RBPMS: variants seen among roughly 807,000 people sequenced by gnomAD.
RBPMS encodes the protein RNA-binding protein with multiple splicing.
Under a neutral mutation model 26.8 loss-of-function variants are expected in RBPMS, and 7 were observed. The observed-to-expected ratio is 0.26, with a 90% CI of 0.15 to 0.49. The LOEUF (loss-of-function observed/expected upper bound fraction) is 0.49, where lower values mean the gene tolerates loss of function less well. Among genes scored for constraint, RBPMS ranks in the 20% least tolerant of loss-of-function variants. RBPMS has a pLI of 0.98. For missense variants in RBPMS, 186 were observed against 250.0 expected, an observed-to-expected ratio of 0.74 and a Z score of 1.73; for synonymous variants, 96 against 93.3, an observed-to-expected ratio of 1.03 and a Z score of -0.17.
chr8:30,385,046 G>A lies in RBPMS; in HGVS notation c.-47G>A. On this transcript the variant is annotated 5_prime_UTR_variant, in exon 1 of 9. Transcript: ENST00000397323. ...CAGTGGGCTAGCGCGCCCTCGCCCAGCCCCGCGCCCCAGCCCTGCCCGGCC... is the reference window on the plus strand; with the variant it reads ...CAGTGGGCTAGCGCGCCCTCGCCCAACCCCGCGCCCCAGCCCTGCCCGGCC... The A allele has an allele frequency of 1.4e-6, 2 of 1,451,968 alleles. No individual in the cohort carries two copies. Among genetic ancestry groups the A allele is most frequent in the Non-Finnish European group, 1.8e-6 (2 of 1,090,646 alleles). 89.9% of individuals were successfully genotyped at this position (1,451,968 alleles called of 1,614,324 possible).
At chr8:30,479,810 AT>A (rs1158993716) in intron 4 of RBPMS, among the ~76,000 whole-genome samples, 1 of 59,280 alleles carries the variant, frequency 1.7e-5, no homozygotes, top group Non-Finnish European at 3.5e-5. Context: ...GATATGCAGC[AT>A]TAAAAAAAAA....
chr8:30,437,616 C>T (rs1812613089), intron 1 of RBPMS, among the ~76,000 whole-genome samples: 2 of 152,024 alleles, frequency 1.3e-5, no homozygotes, highest in Non-Finnish European at 2.9e-5. Context: ...CATGGCAAAA[C>T]CCTGTCGCTA....
chr8:30,562,860 C>A (rs542429282), intron 7 of RBPMS, among the ~76,000 whole-genome samples: 2 of 152,236 alleles, frequency 1.3e-5, no homozygotes, highest in African/African-American at 4.8e-5. Context: ...AGAGGTCCTT[C>A]AAGGATTTTT....
At chr8:30,529,433 C>T (rs1585777068) in intron 5 of RBPMS, among the ~76,000 whole-genome samples, 2 of 151,136 alleles carry the variant, frequency 1.3e-5, no homozygotes, top group African/African-American at 4.9e-5. Context: ...ACCTGGGAGG[C>T]GGAGGTTGCA....
At chr8:30,496,752 T>C (rs760157718) in intron 4 of RBPMS, among the ~76,000 whole-genome samples, 1 of 152,206 alleles carries the variant, frequency 6.6e-6, no homozygotes, top group Non-Finnish European at 1.5e-5. Flanking sequence ...GGTAGAAAAC[T>C]TCTACTGGTT....
intron 5 of RBPMS, among the ~76,000 whole-genome samples, chr8:30,523,183 C>A (rs542559249): frequency 1.3e-5 from 2 of 152,170 alleles, no homozygotes; most frequent in African/African-American, 4.8e-5. Flanking sequence ...TTGAGACCAG[C>A]CTGCCCAACA....
chr8:30,412,807 C>T (rs771132003), intron 1 of RBPMS, among the ~76,000 whole-genome samples: 2 of 152,128 alleles, frequency 1.3e-5, no homozygotes, highest in African/African-American at 2.4e-5. Context: ...TTGTTAACTT[C>T]TCATGAAACA....
At chr8:30,393,157 G>A (rs950038095) in intron 1 of RBPMS, among the ~76,000 whole-genome samples, 2 of 152,070 alleles carry the variant, frequency 1.3e-5, no homozygotes, top group Non-Finnish European at 2.9e-5. Flanking sequence ...TAATCTGCCT[G>A]TTTTTAAAGG....
intron 6 of RBPMS, chr8:30,549,649 G>A (rs1826136411): frequency 7.8e-7 from 1 of 1,275,630 alleles, no homozygotes; most frequent in Non-Finnish European, 1.1e-6. Context: ...GGGAGGCCAG[G>A]CCTCATGCTC....
intron 4 of RBPMS, among the ~76,000 whole-genome samples, chr8:30,482,589 G>GT (rs1310796542): frequency 2.6e-5 from 4 of 152,150 alleles, no homozygotes; most frequent in Non-Finnish European, 5.9e-5. Context: ...GAATTAAGTT[G>GT]TAACAGTGAA....
chr8:30,495,778 C>G (rs1211196715), intron 4 of RBPMS, among the ~76,000 whole-genome samples: 6 of 152,196 alleles, frequency 3.9e-5, no homozygotes, highest in Admixed American at 2.6e-4. Context: ...CTTTCCCTCA[C>G]TTGTTCATTC....
intron 1 of RBPMS, among the ~76,000 whole-genome samples, chr8:30,420,441 G>A (rs889291477): frequency 1.3e-5 from 2 of 152,196 alleles, no homozygotes; most frequent in South Asian, 2.1e-4. Flanking sequence ...AAAAGAACTC[G>A]GGGGGACTTT....
At chr8:30,514,846 T>G (rs1028246569) in intron 5 of RBPMS, among the ~76,000 whole-genome samples, 3 of 151,484 alleles carry the variant, frequency 2.0e-5, no homozygotes, top group African/African-American at 7.3e-5. Context: ...ATTTTTAAAT[T>G]GCCTAATGAA....
chr8:30,488,882 T>C (rs535372567), intron 4 of RBPMS, among the ~76,000 whole-genome samples: 30 of 152,330 alleles, frequency 2.0e-4, no homozygotes, highest in African/African-American at 6.7e-4. Flanking sequence ...TAACCAATCA[T>C]GTGGGTGTCC....
chr8:30,545,016 C>T (rs1419270004), intron 6 of RBPMS: 34 of 1,434,878 alleles, frequency 2.4e-5, no homozygotes, highest in Non-Finnish European at 3.0e-5. Flanking sequence ...ATATGTGCGT[C>T]TGTGCGTGTT....
intron 5 of RBPMS, among the ~76,000 whole-genome samples, chr8:30,542,363 C>T (rs1251721799): frequency 6.6e-6 from 1 of 152,198 alleles, no homozygotes; most frequent in Non-Finnish European, 1.5e-5. Context: ...CAGCTTATCT[C>T]TGTTGCTTAT....
intron 5 of RBPMS, among the ~76,000 whole-genome samples, chr8:30,512,428 C>T (rs1019590259): frequency 6.6e-6 from 1 of 152,132 alleles, no homozygotes; most frequent in Non-Finnish European, 1.5e-5. Context: ...CCCTTTCCAT[C>T]CAGGACTATA....
chr8:30,414,206 G>A (rs1446406450), intron 1 of RBPMS, among the ~76,000 whole-genome samples: 2 of 144,506 alleles, frequency 1.4e-5, no homozygotes, highest in Non-Finnish European at 3.0e-5. Flanking sequence ...TTTTATTAAT[G>A]ATACACTTCT....
At chr8:30,393,578 A>G (rs1196338830) in intron 1 of RBPMS, among the ~76,000 whole-genome samples, 2 of 150,712 alleles carry the variant, frequency 1.3e-5, no homozygotes, top group Non-Finnish European at 2.9e-5. Context: ...CCTGGAGTGC[A>G]GTGGCGCCAT....
Sources: gnomAD v4.1 joint callset for allele counts (sites outside exome capture counted in the v4.1 genomes callset) on GRCh38, gnomAD v4.1.1 for gene constraint, MANE v1.5 for transcripts, NCBI Gene and HGNC (gene_info 2026-07-23, HGNC 2026-07-21) for gene names.